Variants in PLPPR1 observed in about 807,000 individuals in gnomAD.
The protein encoded by PLPPR1 is phospholipid phosphatase related 1, also known as phospholipid phosphatase-related protein type 1.
PLPPR1 carries 10 observed loss-of-function variants against 33.1 expected under a neutral mutation model. That is an observed-to-expected ratio of 0.30 (90% confidence interval 0.19 to 0.51). The LOEUF is 0.51. Among genes scored for constraint, PLPPR1 ranks in the 20% least tolerant of loss-of-function variants. The pLI is 0.97. For missense variants in PLPPR1, 304 were observed against 408.1 expected, an observed-to-expected ratio of 0.74 and a Z score of 2.20; for synonymous variants, 151 against 151.0, an observed-to-expected ratio of 1.00 and a Z score of 0.00.
At chr9:101,229,158 C>T (rs1481988093) in intron 2 of PLPPR1, among the ~76,000 whole-genome samples, 2 of 152,154 alleles carry the variant, frequency 1.3e-5, no homozygotes, top group Non-Finnish European at 2.9e-5. Context: ...CACAATGATA[C>T]ATTAATTCAC....
At chr9:101,134,457 A>G (rs1011704563) in intron 1 of PLPPR1, among the ~76,000 whole-genome samples, 2 of 151,076 alleles carry the variant, frequency 1.3e-5, no homozygotes, top group Non-Finnish European at 2.9e-5. Context: ...ACCTGGGCTC[A>G]CTGCAACCTC....
At chr9:101,141,238 G>T (rs768187626) in intron 1 of PLPPR1, among the ~76,000 whole-genome samples, 17 of 152,272 alleles carry the variant, frequency 1.1e-4, no homozygotes, top group Non-Finnish European at 2.1e-4. Flanking sequence ...TCCACACTGT[G>T]AAAGTATTGG....
chr9:101,098,471 A>G (rs1395459333), intron 1 of PLPPR1, among the ~76,000 whole-genome samples: 1 of 152,138 alleles, frequency 6.6e-6, no homozygotes, highest in African/African-American at 2.4e-5. Context: ...GGTCAAAGAC[A>G]GAAGTGTGGA....
chr9:101,265,991 G>A (rs550131939), intron 2 of PLPPR1, among the ~76,000 whole-genome samples: 5 of 150,444 alleles, frequency 3.3e-5, no homozygotes, highest in South Asian at 2.1e-4. Flanking sequence ...GCGAGACACC[G>A]CCTCAAAAAA....
In PLPPR1 at chr9:101,142,111, T is replaced by C. The variant is rs183341182; in HGVS notation, c.-45-43339T>C. On this transcript the variant is annotated intron_variant, in intron 1 of 7. Transcript: ENST00000374874. Reference sequence around the variant, plus strand: ...TCACTAGGTGATCCCAACTTTCTCCTTCACCAAGAGAATATCTCATTAGAC... The same window carrying C: ...TCACTAGGTGATCCCAACTTTCTCCCTCACCAAGAGAATATCTCATTAGAC... Among the ~76,000 whole-genome samples the C allele has an allele frequency of 4.6e-5, 7 of 152,274 alleles. No individual in the cohort carries two copies. In the East Asian group the frequency reaches 1.4e-3, roughly 29 times the overall value.
intron 2 of PLPPR1, among the ~76,000 whole-genome samples, chr9:101,209,099 C>A (rs1251477833): frequency 1.3e-5 from 2 of 152,192 alleles, no homozygotes; most frequent in East Asian, 1.9e-4. Context: ...TTTAGAAAAG[C>A]AAATTCTCAA....
intron 7 of PLPPR1, among the ~76,000 whole-genome samples, chr9:101,320,659 C>G (rs1206482797): frequency 6.6e-6 from 1 of 152,178 alleles, no homozygotes; most frequent in East Asian, 1.9e-4. Flanking sequence ...CACCAAGCAT[C>G]TGTTTTTAGT....
At chr9:101,278,838 A>G (rs1828244671) in intron 3 of PLPPR1, among the ~76,000 whole-genome samples, 1 of 152,212 alleles carries the variant, frequency 6.6e-6, no homozygotes, top group South Asian at 2.1e-4. Context: ...AGCAGCAGGC[A>G]GGCCTCAGCA....
Position 101,203,993 on chromosome 9 carries a change from A to G in PLPPR1, c.63+18436A>G, listed in dbSNP as rs140214443. ...GATTAAGTGGTCTGTAAAGATAAAT[A>G]TCAGTGGAAACTTTGTGTGGATGTA... On this transcript the variant is annotated intron_variant, in intron 2 of 7. Coordinates refer to ENST00000374874, the MANE Select transcript of PLPPR1 (RefSeq NM_207299.2). Among the ~76,000 whole-genome samples, 761 of 152,260 alleles carry G rather than the reference A, an allele frequency of 5.0e-3. 4 individuals carry two copies. The highest frequency in any genetic ancestry group is 0.012 in the Admixed American group (182 of 15,292).
chr9:101,293,032 A>G (rs1314217457), intron 4 of PLPPR1, among the ~76,000 whole-genome samples: 1 of 152,204 alleles, frequency 6.6e-6, no homozygotes, highest in African/African-American at 2.4e-5. Flanking sequence ...GTCAAGACCC[A>G]TCAGTGTGCT....
At chr9:101,263,549 T>C (rs982770462) in intron 2 of PLPPR1, among the ~76,000 whole-genome samples, 1 of 152,190 alleles carries the variant, frequency 6.6e-6, no homozygotes, top group Non-Finnish European at 1.5e-5. Flanking sequence ...TTAACCTTCA[T>C]ATAGATGAGA....
At chr9:101,313,200 T>G (rs1828991885) in intron 6 of PLPPR1, among the ~76,000 whole-genome samples, 1 of 152,214 alleles carries the variant, frequency 6.6e-6, no homozygotes, top group Non-Finnish European at 1.5e-5. Flanking sequence ...GGGAGAGAAT[T>G]GCCCCTAGAA....
intron 2 of PLPPR1, among the ~76,000 whole-genome samples, chr9:101,196,349 A>T (rs1341938661): frequency 6.6e-6 from 1 of 152,228 alleles, no homozygotes; most frequent in African/African-American, 2.4e-5. Context: ...ATGTTTAGCA[A>T]AATTTTCAAG....
In PLPPR1 at chr9:101,324,265, C is replaced by A; in HGVS notation, c.*208C>A. On this transcript the variant is annotated 3_prime_UTR_variant, in exon 8 of 8. Transcript: ENST00000374874. ...TTTGGTCAGCTTTAATATATTTATG[C>A]CAGAATTTTAAAACCAACAAAATTT... 5 of 424,840 alleles carry A rather than the reference C, an allele frequency of 1.2e-5. No individual in the cohort carries two copies. In the South Asian group the frequency reaches 1.7e-4, roughly 14 times the overall value. 26.3% of individuals were successfully genotyped at this position (424,840 alleles called of 1,614,324 possible).
chr9:101,269,652 T>C (rs142450117), intron 2 of PLPPR1: 7,169 of 579,120 alleles, frequency 0.012, 63 homozygotes, highest in Non-Finnish European at 0.017. Flanking sequence ...GGGATCTGCC[T>C]TTCAGATGGG....
At chr9:101,126,935 GC>G in intron 1 of PLPPR1, among the ~76,000 whole-genome samples, 1 of 152,086 alleles carries the variant, frequency 6.6e-6, no homozygotes, top group South Asian at 2.1e-4. Context: ...ATCTTTATAC[GC>G]TTTTTTAAAA....
intron 1 of PLPPR1, among the ~76,000 whole-genome samples, chr9:101,093,724 T>C (rs1280362875): frequency 1.3e-5 from 2 of 152,200 alleles, no homozygotes; most frequent in African/African-American, 4.8e-5. Flanking sequence ...ATGGAGATTG[T>C]GACTACCTCT....
In PLPPR1 at chr9:101,164,175, G is replaced by A. The variant is rs930236571; in HGVS notation, c.-45-21275G>A. 2.7e-4 allele frequency among the ~76,000 whole-genome samples: 41 copies of A among 151,868 alleles called. 1 individual carries two copies. Among genetic ancestry groups the A allele is most frequent in the Non-Finnish European group, 3.7e-4 (25 of 67,982 alleles). On this transcript the variant is annotated intron_variant, in intron 1 of 7. Coordinates refer to ENST00000374874, the MANE Select transcript of PLPPR1 (RefSeq NM_207299.2). The stretch of plus-strand genomic sequence containing the variant: ...TGTGGTGACTAAGTGTTCAAACTTG[G>A]GGCCAGACACTTGGGTATAAATTCC...
At chr9:101,119,085 T>C (rs1344184147) in intron 1 of PLPPR1, among the ~76,000 whole-genome samples, 1 of 152,186 alleles carries the variant, frequency 6.6e-6, no homozygotes, top group Admixed American at 6.5e-5. Flanking sequence ...AAATTGGACA[T>C]GCAGCACCAG....
Sources: gnomAD v4.1 joint callset for allele counts (sites outside exome capture counted in the v4.1 genomes callset) on GRCh38, gnomAD v4.1.1 for gene constraint, MANE v1.5 for transcripts, NCBI Gene and HGNC (gene_info 2026-07-23, HGNC 2026-07-21) for gene names.